The following CALN1 variants were observed in gnomAD, a reference collection of about 807,000 sequenced individuals.
CALN1 encodes calcium-binding protein 8.
Under a neutral mutation model 30.6 loss-of-function variants are expected in CALN1, and 17 were observed. The observed-to-expected ratio is 0.56, with a 90% CI of 0.38 to 0.83. The LOEUF is 0.83. Among genes scored for constraint, CALN1 ranks in the 40% least tolerant of loss-of-function variants. CALN1 has a pLI of 0.00. For missense variants in CALN1, 291 were observed against 354.9 expected (o/e 0.82, Z 1.45); for synonymous variants, 156 against 131.4 (o/e 1.19, Z -1.28).
intron 5 of CALN1, among the ~76,000 whole-genome samples, chr7:71,824,029 T>C (rs1396205155): frequency 1.3e-5 from 2 of 152,068 alleles, no homozygotes; most frequent in African/African-American, 4.8e-5. Context: ...CACGTGGGAA[T>C]TGTGGGAGCT....
At chr7:72,457,703 C>T in the CALN1 span, among the ~76,000 whole-genome samples, 13 of 152,030 alleles carry the variant, frequency 8.6e-5, no homozygotes, top group African/African-American at 2.7e-4. Flanking sequence ...CTGTCCCCCA[C>T]TCTTTAAAGG....
chr7:72,242,560 G>A (rs11983557), intron 3 of CALN1, among the ~76,000 whole-genome samples: 28,732 of 152,026 alleles, frequency 0.19, 3,759 homozygotes, highest in East Asian at 0.43. Context: ...TACCTTCAGG[G>A]ACTCCTAAAA....
chr7:72,156,059 C>T (rs936425618), intron 3 of CALN1, among the ~76,000 whole-genome samples: 1 of 152,124 alleles, frequency 6.6e-6, no homozygotes, highest in African/African-American at 2.4e-5. Flanking sequence ...GTAACATATT[C>T]AGAGGTTCCA....
At chr7:71,909,120 G>A (rs952892901) in intron 5 of CALN1, among the ~76,000 whole-genome samples, 6 of 152,076 alleles carry the variant, frequency 3.9e-5, no homozygotes, top group Non-Finnish European at 7.4e-5. Context: ...AGGCTCAAGC[G>A]ATCTTCCCAC....
intron 2 of CALN1, among the ~76,000 whole-genome samples, chr7:72,302,650 T>G (rs375173105): frequency 3.3e-5 from 5 of 152,018 alleles, no homozygotes; most frequent in African/African-American, 1.2e-4. Context: ...TCCCAGCACT[T>G]TGGGAGGCCA....
intron 3 of CALN1, among the ~76,000 whole-genome samples, chr7:72,201,822 A>G (rs1343179845): frequency 6.6e-6 from 1 of 151,940 alleles, no homozygotes; most frequent in East Asian, 1.9e-4. Context: ...TCATACATCA[A>G]ACTCCCCTCT....
intron 3 of CALN1, 79 bp downstream of exon 3, chr7:72,278,599 GTCCAGGGC>G (rs1219367178): frequency 1.9e-6 from 3 of 1,563,432 alleles, no homozygotes; most frequent in Non-Finnish European, 2.6e-6. Context: ...AGTGGCCAAA[GTCCAGGGC>G]TTTCAATTGA....
rs1414407806 is a variant in CALN1 at position 72,387,290 on chromosome 7, G to GAGGAAGGGAGGA, written c.119+15960_119+15961insTCCTCCCTTCCT. 3.8e-3 allele frequency among the ~76,000 whole-genome samples: 35 copies of GAGGAAGGGAGGA among 9,330 alleles called. 3 individuals carry two copies. The highest frequency in any genetic ancestry group is 0.012 in the African/African-American group (35 of 2,874). The allele number at this position is 9,330 out of a possible 152,430, so 6.1% of individuals were successfully genotyped here. On this transcript the variant is annotated intron_variant, in intron 2 of 6. Transcript: ENST00000395275. ...GAAGGGAGGAAGGGAGGGAGGGAGG[G>GAGGAAGGGAGGA]AGGGAGGGAGGGAGGGAGGCAGGCA...
chr7:71,810,333 T>C lies in CALN1; in HGVS notation c.658+3A>G, dbSNP rs758291700. The stretch of plus-strand genomic sequence containing the variant: ...GGGAGGGGATGGCAGCAGGGGCACC[T>C]ACCTCCTTCAAACTCTGTTTGGCAG... On this transcript the variant is annotated splice_donor_region_variant and intron_variant, in intron 6 of 6. Transcript: ENST00000395275. 11 of 1,613,400 alleles carry C rather than the reference T, an allele frequency of 6.8e-6. No individual in the cohort carries two copies. The highest frequency in any genetic ancestry group is 2.7e-5 in the African/African-American group (2 of 74,896).
intron 6 of CALN1, among the ~76,000 whole-genome samples, chr7:71,806,510 T>C (rs1234391258): frequency 1.3e-5 from 2 of 152,180 alleles, no homozygotes; most frequent in African/African-American, 2.4e-5. Flanking sequence ...TTTCATCATA[T>C]TGGTCAGGCT....
intron 5 of CALN1, among the ~76,000 whole-genome samples, chr7:71,920,108 A>G (rs989901496): frequency 6.6e-6 from 1 of 152,174 alleles, no homozygotes; most frequent in African/African-American, 2.4e-5. Flanking sequence ...AGGATTGCAG[A>G]CATGTTTATC....
At chr7:71,856,941 T>A (rs968936994) in intron 5 of CALN1, among the ~76,000 whole-genome samples, 11 of 151,372 alleles carry the variant, frequency 7.3e-5, no homozygotes, top group African/African-American at 2.4e-4. Flanking sequence ...GGTGACAGAG[T>A]GAGATTTTGT....
intron 3 of CALN1, among the ~76,000 whole-genome samples, chr7:72,143,210 G>T (rs1810084797): frequency 1.3e-5 from 2 of 152,060 alleles, no homozygotes; most frequent in Admixed American, 1.3e-4. Context: ...CCAACGCAAA[G>T]AAGTTAAAAA....
intron 4 of CALN1, among the ~76,000 whole-genome samples, chr7:72,078,090 C>T (rs1804873885): frequency 6.6e-6 from 1 of 152,152 alleles, no homozygotes; most frequent in Admixed American, 6.5e-5. Flanking sequence ...ATCTATTCAT[C>T]ATTTGCCAGT....
chr7:71,979,898 G>A (rs1480587172), intron 5 of CALN1, among the ~76,000 whole-genome samples: 5 of 96,490 alleles, frequency 5.2e-5, no homozygotes, highest in African/African-American at 2.1e-4. Context: ...TTTTTTTTGA[G>A]ACAGAGTCTC....
chr7:72,013,134 T>C (rs1020172648), intron 5 of CALN1, among the ~76,000 whole-genome samples: 6 of 152,090 alleles, frequency 3.9e-5, no homozygotes, highest in African/African-American at 1.4e-4. Context: ...GTGCTCCATT[T>C]ACCATAACCA....
At chr7:71,848,320 G>A (rs1056649255) in intron 5 of CALN1, among the ~76,000 whole-genome samples, 4 of 152,200 alleles carry the variant, frequency 2.6e-5, no homozygotes, top group African/African-American at 7.2e-5. Context: ...GCTCACACCC[G>A]TATTTATACT....
chr7:72,436,460 T>C lies in CALN1; in HGVS notation c.-226+10582A>G, dbSNP rs190089071. On this transcript the variant is annotated intron_variant, in intron 1 of 6. Coordinates refer to the CALN1 transcript ENST00000395276. ...TGTGAGTCCATTAAACATCTTTTTC[T>C]TTATAAATTACCCAGTCTCGGGTAT... Among the ~76,000 whole-genome samples, 39 of 152,300 alleles carry C rather than the reference T, an allele frequency of 2.6e-4. No homozygotes were observed. The East Asian group carries it at 7.1e-3, about 28-fold the overall frequency.
At chr7:71,808,408 T>C (rs1431990923) in intron 6 of CALN1, among the ~76,000 whole-genome samples, 1 of 151,554 alleles carries the variant, frequency 6.6e-6, no homozygotes, top group Non-Finnish European at 1.5e-5. Context: ...GGATTAATAA[T>C]TTTTAATAAA....
Sources: allele counts gnomAD v4.1 joint callset (sites outside exome capture counted in the v4.1 genomes callset), GRCh38; gene constraint gnomAD v4.1.1; transcripts MANE v1.5; gene names NCBI Gene and HGNC (gene_info 2026-07-23, HGNC 2026-07-21).